GPC5: variants seen among roughly 807,000 people sequenced by gnomAD.
GPC5 encodes glypican 5, also known as glypican-5.
GPC5 carries 47 observed loss-of-function variants against 53.9 expected under a neutral mutation model. The ratio of observed to expected loss-of-function variants is 0.87; its 90% confidence interval spans 0.69 to 1.11. The LOEUF (loss-of-function observed/expected upper bound fraction) is 1.11. Among genes scored for constraint, GPC5 ranks in the 50% most tolerant of loss-of-function variants. The probability of loss-of-function intolerance (pLI) is 0.00; values close to 1 mark genes in which losing one functional copy is unlikely to be tolerated. For missense variants in GPC5, 748 were observed against 713.1 expected, an observed-to-expected ratio of 1.05 and a Z score of -0.56; for synonymous variants, 286 against 263.3, an observed-to-expected ratio of 1.09 and a Z score of -0.84.
intron 7 of GPC5, among the ~76,000 whole-genome samples, chr13:92,645,518 T>G (rs1885738542): frequency 6.6e-6 from 1 of 152,204 alleles, no homozygotes; most frequent in African/African-American, 2.4e-5. Context: ...TGACTTTATA[T>G]GTATTACGTT....
chr13:92,643,322 T>G (rs1378134136), intron 7 of GPC5, among the ~76,000 whole-genome samples: 1 of 152,196 alleles, frequency 6.6e-6, no homozygotes. Context: ...TGAATGGTAA[T>G]GCCTCAGGGA....
intron 3 of GPC5, among the ~76,000 whole-genome samples, chr13:91,696,946 A>T (rs2139833633): frequency 6.6e-6 from 1 of 152,290 alleles, no homozygotes; most frequent in Admixed American, 6.5e-5. Flanking sequence ...ACTAGCTCTG[A>T]GTTTACGCAT....
intron 2 of GPC5, among the ~76,000 whole-genome samples, chr13:91,457,196 G>T (rs1446580857): frequency 6.6e-6 from 1 of 151,496 alleles, no homozygotes; most frequent in African/African-American, 2.4e-5. Flanking sequence ...TTTAGTTTTT[G>T]GAAGCATGGC....
chr13:92,278,235 G>A (rs2042889763), intron 7 of GPC5, among the ~76,000 whole-genome samples: 2 of 151,770 alleles, frequency 1.3e-5, no homozygotes, highest in Admixed American at 1.3e-4. Context: ...AACCTTTTTA[G>A]ATATTCAAAC....
chr13:92,661,293 C>CA (rs1010935119), intron 7 of GPC5, among the ~76,000 whole-genome samples: 58 of 138,038 alleles, frequency 4.2e-4, no homozygotes, highest in Admixed American at 1.8e-3. Flanking sequence ...GACCCTCTCT[C>CA]AAAAAAAAAC....
intron 2 of GPC5, among the ~76,000 whole-genome samples, chr13:91,585,527 G>C (rs970636876): frequency 6.6e-6 from 1 of 152,116 alleles, no homozygotes; most frequent in African/African-American, 2.4e-5. Flanking sequence ...ATGAGCAAAA[G>C]GAATGAGGTA....
chr13:91,887,999 C>T (rs925261962), intron 5 of GPC5, among the ~76,000 whole-genome samples: 2 of 152,152 alleles, frequency 1.3e-5, no homozygotes, highest in Non-Finnish European at 2.9e-5. Flanking sequence ...ATGGCAGTAC[C>T]CTACTCTACC....
chr13:92,772,254 G>T (rs1875641790), intron 7 of GPC5, among the ~76,000 whole-genome samples: 1 of 152,084 alleles, frequency 6.6e-6, no homozygotes, highest in Admixed American at 6.6e-5. Context: ...ATGATGGAAG[G>T]CAAGGCATGA....
Position 92,251,681 on chromosome 13 carries a change from G to A in GPC5, c.1561+106692G>A, listed in dbSNP as rs2042693810. Reference sequence around the variant, plus strand: ...CAGTGCCTAGCACATACAAGACCCTGAATGACAATGTCTTTTTCCTTTTAA... The same window carrying A: ...CAGTGCCTAGCACATACAAGACCCTAAATGACAATGTCTTTTTCCTTTTAA... On this transcript the variant is annotated intron_variant, in intron 7 of 7. Coordinates refer to ENST00000377067, the MANE Select transcript of GPC5 (RefSeq NM_004466.6). 1.3e-5 allele frequency among the ~76,000 whole-genome samples: 2 copies of A among 152,078 alleles called. 1 individual carries two copies. Among genetic ancestry groups the A allele is most frequent in the South Asian group, 4.1e-4 (2 of 4,832 alleles).
intron 7 of GPC5, among the ~76,000 whole-genome samples, chr13:92,523,276 A>G (rs919849892): frequency 6.6e-6 from 1 of 152,084 alleles, no homozygotes; most frequent in Non-Finnish European, 1.5e-5. Flanking sequence ...ACAACAAACA[A>G]GTGTTCCAAA....
At chr13:91,760,533 A>G (rs996080154) in intron 5 of GPC5, among the ~76,000 whole-genome samples, 3 of 152,300 alleles carry the variant, frequency 2.0e-5, no homozygotes, top group East Asian at 1.9e-4. Context: ...CATCAGCTTC[A>G]TTCTAGAGGA....
At chr13:92,120,164 G>A (rs1215530338) in intron 6 of GPC5, among the ~76,000 whole-genome samples, 1 of 152,158 alleles carries the variant, frequency 6.6e-6, no homozygotes, top group Non-Finnish European at 1.5e-5. Context: ...TTTACAGACT[G>A]TAAGATACCC....
intron 2 of GPC5, among the ~76,000 whole-genome samples, chr13:91,675,926 C>A (rs550706862): frequency 2.4e-4 from 37 of 152,110 alleles, no homozygotes; most frequent in Admixed American, 2.4e-3. Flanking sequence ...GGTGGTTCGA[C>A]TTTTAGAAAT....
chr13:91,444,982 C>T (rs888982494), intron 1 of GPC5, among the ~76,000 whole-genome samples: 11 of 152,188 alleles, frequency 7.2e-5, no homozygotes, highest in Non-Finnish European at 1.2e-4. Context: ...CTTCCACCCA[C>T]AAATTGAATG....
chr13:91,398,665 C>CGGA lies in GPC5; in HGVS notation c.-380_-379insAGG, dbSNP rs1403953322. On this transcript the variant is annotated 5_prime_UTR_variant, in exon 1 of 8. Coordinates refer to ENST00000377067, the MANE Select transcript of GPC5 (RefSeq NM_004466.6). ...GAGCCGAGCCGGGCGGCGGAGGCGG[C>CGGA]GGCGGCGGCGGCAGTGGCGGCAGTG... is the stretch of plus-strand genomic sequence containing the variant. 1.2e-5 allele frequency: 1 copy of CGGA among 85,252 alleles called. No individual in the cohort carries two copies. The highest frequency in any genetic ancestry group is 3.8e-5 in the African/African-American group (1 of 26,102). The allele number at this position is 85,252 out of a possible 1,614,324, so 5.3% of individuals were successfully genotyped here. A position where few individuals can be genotyped will look rare whatever the true frequency, so the allele number is the denominator to read the frequency against.
intron 7 of GPC5, among the ~76,000 whole-genome samples, chr13:92,748,807 T>C (rs1176775052): frequency 6.6e-6 from 1 of 152,172 alleles, no homozygotes; most frequent in Non-Finnish European, 1.5e-5. Flanking sequence ...ATGATACAAT[T>C]TTAAGCACCT....
intron 2 of GPC5, among the ~76,000 whole-genome samples, chr13:91,637,011 A>C (rs1806610559): frequency 6.6e-6 from 1 of 152,216 alleles, no homozygotes; most frequent in Non-Finnish European, 1.5e-5. Flanking sequence ...CAATTAATGA[A>C]TGTGCCTTAT....
intron 7 of GPC5, among the ~76,000 whole-genome samples, chr13:92,481,123 C>CA (rs1351383991): frequency 2.0e-5 from 3 of 150,690 alleles, no homozygotes; most frequent in Non-Finnish European, 4.4e-5. Context: ...TTTTTTGAGA[C>CA]AGAGTCTTGC....
chr13:92,848,963 G>A (rs1050487505), intron 7 of GPC5, among the ~76,000 whole-genome samples: 1 of 152,052 alleles, frequency 6.6e-6, no homozygotes, highest in Non-Finnish European at 1.5e-5. Flanking sequence ...GTCAAGTCAG[G>A]TGATCCTGTA....
Sources: allele counts gnomAD v4.1 joint callset (sites outside exome capture counted in the v4.1 genomes callset), GRCh38; gene constraint gnomAD v4.1.1; transcripts MANE v1.5; gene names NCBI Gene and HGNC (gene_info 2026-07-23, HGNC 2026-07-21).